Variants in CTNND2 observed in about 807,000 individuals in gnomAD.
CTNND2 encodes catenin delta-2.
A neutral mutation model predicts 144.4 loss-of-function variants in CTNND2; 22 were observed. The ratio of observed to expected loss-of-function variants is 0.15; its 90% CI spans 0.11 to 0.22. The LOEUF (loss-of-function observed/expected upper bound fraction) is 0.22, where lower values mean the gene tolerates loss of function less well. Ranked by LOEUF, CTNND2 falls within the 10% of genes least tolerant of loss-of-function variation. CTNND2 has a pLI of 1.00. For missense variants in CTNND2, 1,353 were observed against 1,618.8 expected, an observed-to-expected ratio of 0.84 and a Z score of 2.82; for synonymous variants, 751 against 695.6, an observed-to-expected ratio of 1.08 and a Z score of -1.25.
chr5:11,398,398 G>T (rs975466864), intron 5 of CTNND2, among the ~76,000 whole-genome samples: 2 of 152,046 alleles, frequency 1.3e-5, no homozygotes, highest in African/African-American at 2.4e-5. Context: ...AATAACATTG[G>T]TTCACAAATT....
At chr5:11,666,910 CT>C (rs1203324628) in intron 2 of CTNND2, among the ~76,000 whole-genome samples, 1 of 152,046 alleles carries the variant, frequency 6.6e-6, no homozygotes, top group Non-Finnish European at 1.5e-5. Flanking sequence ...TAATGCTATA[CT>C]TCCCCCAGCC....
chr5:11,116,963 G>A (rs1007271133), intron 13 of CTNND2, among the ~76,000 whole-genome samples: 1 of 152,088 alleles, frequency 6.6e-6, no homozygotes, highest in East Asian at 1.9e-4. Flanking sequence ...GGAGGCTGAA[G>A]CAGGAGAATC....
chr5:11,901,962 C>T lies in CTNND2; in HGVS notation c.37+1855G>A, dbSNP rs573028209. ...TATTAAAACAATGCAGTGGGCATAACGGTGTGTTCAAAGTGCTCTCGGAAA... is the reference window on the plus strand; with the variant it reads ...TATTAAAACAATGCAGTGGGCATAATGGTGTGTTCAAAGTGCTCTCGGAAA... On this transcript the variant is annotated intron_variant, in intron 1 of 21. Transcript: ENST00000304623. 7.0e-4 allele frequency among the ~76,000 whole-genome samples: 106 copies of T among 152,282 alleles called. No homozygotes were observed. In the South Asian group the frequency reaches 0.021, roughly 30 times the overall value.
At chr5:11,404,888 G>A (rs1760964039) in intron 5 of CTNND2, among the ~76,000 whole-genome samples, 1 of 151,922 alleles carries the variant, frequency 6.6e-6, no homozygotes, top group Non-Finnish European at 1.5e-5. Context: ...GGGATTGCAG[G>A]CATGAGCCAC....
chr5:11,016,229 T>C (rs1366912735), intron 18 of CTNND2, among the ~76,000 whole-genome samples: 2 of 152,222 alleles, frequency 1.3e-5, no homozygotes, highest in Non-Finnish European at 2.9e-5. Flanking sequence ...ATGACTCTCA[T>C]TGATCTAGAA....
intron 11 of CTNND2, among the ~76,000 whole-genome samples, chr5:11,188,440 C>T (rs1402136043): frequency 6.6e-6 from 1 of 151,942 alleles, no homozygotes. Context: ...GGGGAACAAC[C>T]CACACTGGGG....
At chr5:11,534,670 T>C (rs1180833888) in intron 3 of CTNND2, among the ~76,000 whole-genome samples, 1 of 152,102 alleles carries the variant, frequency 6.6e-6, no homozygotes, top group Non-Finnish European at 1.5e-5. Context: ...CCTGGTGACA[T>C]CTATTTAAAG....
At chr5:11,095,006 C>T (rs548959882) in intron 15 of CTNND2, among the ~76,000 whole-genome samples, 3 of 152,188 alleles carry the variant, frequency 2.0e-5, no homozygotes, top group South Asian at 4.1e-4. Context: ...GTGCTGGAAA[C>T]AGTAAGAGGC....
chr5:11,099,523 T>A (rs541239863), intron 14 of CTNND2, among the ~76,000 whole-genome samples: 1 of 152,164 alleles, frequency 6.6e-6, no homozygotes, highest in Non-Finnish European at 1.5e-5. Flanking sequence ...ATTATAACAA[T>A]AAAAGTTAAA....
chr5:10,982,313 A>G (rs1228628825), intron 20 of CTNND2, among the ~76,000 whole-genome samples: 1 of 152,240 alleles, frequency 6.6e-6, no homozygotes, highest in African/African-American at 2.4e-5. Context: ...TTACAGACCC[A>G]AAGGACGGGC....
At chr5:11,250,097 C>G (rs1166773579) in intron 9 of CTNND2, among the ~76,000 whole-genome samples, 1 of 152,074 alleles carries the variant, frequency 6.6e-6, no homozygotes, top group Non-Finnish European at 1.5e-5. Flanking sequence ...CCTCCATTTC[C>G]AGAGTCTGCA....
At chr5:11,455,791 T>A (rs1286102748) in intron 3 of CTNND2, among the ~76,000 whole-genome samples, 1 of 152,220 alleles carries the variant, frequency 6.6e-6, no homozygotes, top group African/African-American at 2.4e-5. Flanking sequence ...GAAGGTTTTT[T>A]TTTCTGCTCA....
At chr5:11,191,156 G>A (rs529239736) in intron 11 of CTNND2, among the ~76,000 whole-genome samples, 1 of 152,326 alleles carries the variant, frequency 6.6e-6, no homozygotes, top group Non-Finnish European at 1.5e-5. Flanking sequence ...GCAGAGGTCT[G>A]GGCTTGAAGG....
chr5:11,229,183 T>C (rs1383884053), intron 10 of CTNND2, among the ~76,000 whole-genome samples: 1 of 152,182 alleles, frequency 6.6e-6, no homozygotes, highest in Admixed American at 6.5e-5. Context: ...CCTTCTCACA[T>C]ATAAAGTCAC....
intron 8 of CTNND2, among the ~76,000 whole-genome samples, chr5:11,348,092 A>C (rs2149742487): frequency 6.6e-6 from 1 of 152,344 alleles, no homozygotes; most frequent in South Asian, 2.1e-4. Flanking sequence ...ATAAACAAAA[A>C]GTGCATATAT....
At chr5:11,041,682 C>T (rs1403623300) in intron 16 of CTNND2, among the ~76,000 whole-genome samples, 1 of 152,100 alleles carries the variant, frequency 6.6e-6, no homozygotes, top group Admixed American at 6.6e-5. Context: ...CCTATGTCTA[C>T]TGATAATAAA....
At chr5:11,443,350 T>TGG (rs142116601) in intron 3 of CTNND2, among the ~76,000 whole-genome samples, 2 of 44,236 alleles carry the variant, frequency 4.5e-5, no homozygotes, top group African/African-American at 2.2e-4. Flanking sequence ...GGGGAGTGTG[T>TGG]GGGAGGGTGT....
chr5:11,420,389 A>G (rs559667106), intron 3 of CTNND2, among the ~76,000 whole-genome samples: 16 of 152,322 alleles, frequency 1.1e-4, no homozygotes, highest in Middle Eastern at 6.8e-3. Context: ...AGACCTTTAT[A>G]TTGATGATGT....
intron 1 of CTNND2, among the ~76,000 whole-genome samples, chr5:11,801,680 T>A (rs957317802): frequency 6.6e-6 from 1 of 152,150 alleles, no homozygotes; most frequent in African/African-American, 2.4e-5. Context: ...ACTGTATTAT[T>A]TGGAACTGGA....
Sources: allele counts gnomAD v4.1 joint callset (sites outside exome capture counted in the v4.1 genomes callset), GRCh38; gene constraint gnomAD v4.1.1; transcripts MANE v1.5; gene names NCBI Gene and HGNC (gene_info 2026-07-23, HGNC 2026-07-21).